Variants in RBPMS observed in about 807,000 individuals in gnomAD.
RBPMS encodes the protein RNA binding protein, mRNA processing factor, also known as RNA-binding protein with multiple splicing.
In RBPMS, 7 loss-of-function variants were observed where a neutral mutation model predicts 26.8. The observed-to-expected ratio is 0.26, with a 90% CI of 0.15 to 0.49. The LOEUF (loss-of-function observed/expected upper bound fraction) is 0.49. Among genes scored for constraint, RBPMS ranks in the 20% least tolerant of loss-of-function variants. The probability of loss-of-function intolerance (pLI) is 0.98; values close to 1 mark genes in which losing one functional copy is unlikely to be tolerated. For missense variants in RBPMS, 186 were observed against 250.0 expected (o/e 0.74, Z 1.73); for synonymous variants, 96 against 93.3 (o/e 1.03, Z -0.17).
chr8:30,561,081 C>G (rs1244679064), intron 7 of RBPMS, among the ~76,000 whole-genome samples: 1 of 152,032 alleles, frequency 6.6e-6, no homozygotes, highest in Non-Finnish European at 1.5e-5. Flanking sequence ...CTTAAATGTC[C>G]TTTATTAACA....
intron 1 of RBPMS, among the ~76,000 whole-genome samples, chr8:30,450,049 C>T (rs953277882): frequency 6.6e-5 from 10 of 152,160 alleles, no homozygotes; most frequent in African/African-American, 1.7e-4. Flanking sequence ...AGGTATTAAA[C>T]GGCTCACAGA....
At chr8:30,475,625 C>G (rs751361088) in intron 2 of RBPMS, among the ~76,000 whole-genome samples, 1 of 152,196 alleles carries the variant, frequency 6.6e-6, no homozygotes, top group African/African-American at 2.4e-5. Flanking sequence ...AAAGATCATT[C>G]TCACTGAAGC....
intron 6 of RBPMS, chr8:30,553,068 C>G (rs1035634121): frequency 1.3e-5 from 2 of 152,250 alleles, no homozygotes; most frequent in African/African-American, 4.8e-5. Context: ...AGGACCAAGT[C>G]ATACAAATCT....
chr8:30,538,547 C>T lies in RBPMS; in HGVS notation c.398-5947C>T, dbSNP rs375086431. The stretch of plus-strand genomic sequence containing the variant: ...CTGGGATTACAGGCATGAGGCACCG[C>T]GCCCGGCAACAATCTTTTCATTAGC... On this transcript the variant is annotated intron_variant, in intron 5 of 8. Transcript: ENST00000397323. Among the ~76,000 whole-genome samples, 8 of 152,202 alleles carry T rather than the reference C, an allele frequency of 5.3e-5. No homozygotes were observed. The East Asian group carries it at 5.8e-4, about 11-fold the overall frequency.
chr8:30,540,411 T>A (rs1324641368), intron 5 of RBPMS, among the ~76,000 whole-genome samples: 1 of 152,028 alleles, frequency 6.6e-6, no homozygotes, highest in Non-Finnish European at 1.5e-5. Context: ...ATAGAAGGGT[T>A]TTAAGCGGGA....
chr8:30,428,455 C>CAA (rs773508836), intron 1 of RBPMS, among the ~76,000 whole-genome samples: 1 of 143,272 alleles, frequency 7.0e-6, no homozygotes, highest in African/African-American at 2.6e-5. Flanking sequence ...GACGCTGTCT[C>CAA]AAAAAAAAAA....
intron 1 of RBPMS, chr8:30,447,106 C>G (rs1240695880): frequency 6.6e-6 from 1 of 152,166 alleles, no homozygotes; most frequent in African/African-American, 2.4e-5. Context: ...GGCATCACTT[C>G]TGTCCACACC....
In RBPMS at chr8:30,384,798, C is replaced by G. The variant is rs1362831523; in HGVS notation, c.-295C>G. On this transcript the variant is annotated 5_prime_UTR_variant, in exon 1 of 9. Coordinates refer to ENST00000397323, the MANE Select transcript of RBPMS (RefSeq NM_001008710.3). This position sits in a 1 kb window ranked among gnomAD's most constrained non-coding sequence, Gnocchi z 5.6. ...CTCCCCTGGCTCCCGCCCTCCCTCT[C>G]CAGGTCGCCCTCCCGGGGCCCGATT... 1 of 285,842 alleles carries G rather than the reference C, an allele frequency of 3.5e-6. No homozygotes were observed. Among genetic ancestry groups the G allele is most frequent in the Non-Finnish European group, 6.5e-6 (1 of 154,942 alleles). The allele number at this position is 285,842 out of a possible 1,614,324, so 17.7% of individuals were successfully genotyped here.
At chr8:30,438,519 G>C (rs1812726845) in intron 1 of RBPMS, among the ~76,000 whole-genome samples, 1 of 152,198 alleles carries the variant, frequency 6.6e-6, no homozygotes, top group African/African-American at 2.4e-5. Context: ...ACTGAGGAAT[G>C]TAAGAATTAC....
chr8:30,500,943 C>G (rs1287977865), intron 4 of RBPMS, among the ~76,000 whole-genome samples: 1 of 152,030 alleles, frequency 6.6e-6, no homozygotes, highest in East Asian at 1.9e-4. Context: ...TCTTCCCTAC[C>G]ACCCCTAGAG....
intron 6 of RBPMS, chr8:30,556,300 T>C (rs1826904929): frequency 1.0e-6 from 1 of 985,406 alleles, no homozygotes; most frequent in African/African-American, 1.7e-5. Flanking sequence ...CATGTCACTC[T>C]GGAGTGCGCC....
chr8:30,474,633 G>A (rs1268682397), intron 1 of RBPMS, 146 bp from the exon 2 acceptor site: 1 of 588,662 alleles, frequency 1.7e-6, no homozygotes, highest in Non-Finnish European at 3.0e-6. Context: ...CATCTTAACA[G>A]TGAAGTATTC....
intron 8 of RBPMS, among the ~76,000 whole-genome samples, chr8:30,568,709 C>T (rs895752809): frequency 2.0e-5 from 3 of 152,214 alleles, no homozygotes; most frequent in African/African-American, 7.2e-5. Context: ...ATCCATCCCT[C>T]CGTGGGGCTG....
Position 30,535,597 on chromosome 8 carries a change from A to G in RBPMS, c.398-8897A>G, listed in dbSNP as rs113320200. ...ATCTACATTAAAATAATAGACTTTA[A>G]TAACATTTCTTTAGATATAGGGTGT... On this transcript the variant is annotated intron_variant, in intron 5 of 8. Coordinates refer to ENST00000397323, the MANE Select transcript of RBPMS (RefSeq NM_001008710.3). Among the ~76,000 whole-genome samples the G allele has an allele frequency of 9.6e-3, 1,457 of 152,332 alleles. 14 individuals carry two copies. Among genetic ancestry groups the G allele is most frequent in the African/African-American group, 0.029 (1,212 of 41,572 alleles).
chr8:30,481,823 A>G (rs144825934), intron 4 of RBPMS, among the ~76,000 whole-genome samples: 1 of 152,310 alleles, frequency 6.6e-6, no homozygotes, highest in East Asian at 1.9e-4. Flanking sequence ...TTCTATGTAA[A>G]GTAGTAGAGG....
intron 1 of RBPMS, among the ~76,000 whole-genome samples, chr8:30,474,297 T>C (rs1817458200): frequency 6.6e-6 from 1 of 152,104 alleles, no homozygotes; most frequent in South Asian, 2.1e-4. Context: ...AGGAAACAAA[T>C]TGTTTTTATA....
intron 8 of RBPMS, among the ~76,000 whole-genome samples, chr8:30,570,183 A>G (rs60156611): frequency 0.011 from 1,689 of 152,202 alleles, 33 homozygotes; most frequent in African/African-American, 0.038. Flanking sequence ...GACAAAATCT[A>G]ACTTGGGACA....
chr8:30,549,978 GTAGCTGGGAC>G (rs1454024414), intron 6 of RBPMS, among the ~76,000 whole-genome samples: 1 of 151,758 alleles, frequency 6.6e-6, no homozygotes, highest in African/African-American at 2.4e-5. Flanking sequence ...AGCCTCCCAA[GTAGCTGGGAC>G]TACAGGCGCC....
At chr8:30,558,572 G>C (rs960832969) in intron 6 of RBPMS, 2 of 471,654 alleles carry the variant, frequency 4.2e-6, no homozygotes, top group South Asian at 2.2e-5. Flanking sequence ...AATTCGCTGT[G>C]CCGGATCTTA....
Sources: gnomAD v4.1 joint callset for allele counts (sites outside exome capture counted in the v4.1 genomes callset) on GRCh38, gnomAD v4.1.1 for gene constraint, Gnocchi (gnomAD v3.1) non-coding constraint, MANE v1.5 for transcripts, NCBI Gene and HGNC (gene_info 2026-07-23, HGNC 2026-07-21) for gene names.